The following LRP8 variants were observed in gnomAD, a reference collection of about 807,000 sequenced individuals.
LRP8 encodes LDL receptor related protein 8, also known as low-density lipoprotein receptor-related protein 8.
Under a neutral mutation model 111.6 loss-of-function variants are expected in LRP8, and 46 were observed. The ratio of observed to expected loss-of-function variants is 0.41; its 90% confidence interval spans 0.33 to 0.53. The LOEUF is 0.53. Ranked by LOEUF, LRP8 falls within the 20% of genes least tolerant of loss-of-function variation. The pLI is 0.20. For missense variants in LRP8, 959 were observed against 1,297.4 expected (o/e 0.74, Z 4.01); for synonymous variants, 464 against 511.2 (o/e 0.91, Z 1.24).
chr1:53,263,843 A>G (rs1427121358), intron 10 of LRP8, among the ~76,000 whole-genome samples: 3 of 152,170 alleles, frequency 2.0e-5, no homozygotes, highest in Non-Finnish European at 4.4e-5. Context: ...CTTTGGAAGT[A>G]TGTGAGCAGC....
intron 2 of LRP8, among the ~76,000 whole-genome samples, chr1:53,322,015 T>C (rs925834560): frequency 6.6e-6 from 1 of 151,578 alleles, no homozygotes; most frequent in African/African-American, 2.4e-5. Flanking sequence ...AACCTCGACA[T>C]CTGGCTAAGC....
At chr1:53,319,240 A>G (rs1654183365) in intron 2 of LRP8, among the ~76,000 whole-genome samples, 1 of 152,180 alleles carries the variant, frequency 6.6e-6, no homozygotes, top group Non-Finnish European at 1.5e-5. Flanking sequence ...GGAAACTAAG[A>G]TGCCCTCCAG....
rs201463045 is a variant in LRP8, at chr1:53,327,000, G to A, written c.125-8C>T. 1.3e-4 allele frequency: 210 copies of A among 1,611,994 alleles called. No homozygotes were observed. In the East Asian group the frequency reaches 4.3e-3, roughly 33 times the overall value. On this transcript the variant is annotated splice_polypyrimidine_tract_variant and splice_region_variant and intron_variant, in intron 1 of 18. Transcript: ENST00000306052. Reference sequence around the variant, plus strand: ...CGCAATCCTTGGCCGGCCCTGCGAGGGGGAGGGAGCGTGAGCTGGATCAGC... The same window carrying A: ...CGCAATCCTTGGCCGGCCCTGCGAGAGGGAGGGAGCGTGAGCTGGATCAGC...
At chr1:53,315,453 C>T (rs1187261111) in intron 2 of LRP8, among the ~76,000 whole-genome samples, 1 of 152,228 alleles carries the variant, frequency 6.6e-6, no homozygotes, top group African/African-American at 2.4e-5. Context: ...CCTGTCAATC[C>T]CACAACCACC....
chr1:53,268,399 T>A (rs1646652643), intron 8 of LRP8: 1 of 152,240 alleles, frequency 6.6e-6, no homozygotes, highest in Non-Finnish European at 1.5e-5. Flanking sequence ...TTGTCTCCAG[T>A]GCATGTACAT....
At chr1:53,255,531 G>A (rs1646053447) in intron 15 of LRP8, among the ~76,000 whole-genome samples, 1 of 152,196 alleles carries the variant, frequency 6.6e-6, no homozygotes, top group Admixed American at 6.5e-5. Context: ...GGCAAAGTGA[G>A]CACTTAGGTC....
Position 53,258,488 on chromosome 1 carries a change from A to G in LRP8, c.2057-17T>C. On this transcript the variant is annotated splice_polypyrimidine_tract_variant and intron_variant, in intron 13 of 18. Transcript: ENST00000306052. ...CATCTGGAGCTAATGGCAGAGAGGG[A>G]GACAGCTGGGGCACAGACAGGACAT... The G allele has an allele frequency of 6.2e-7, 1 of 1,612,816 alleles. No individual in the cohort carries two copies. The highest frequency in any genetic ancestry group is 8.5e-7 in the Non-Finnish European group (1 of 1,179,388).
rs61201514 is a variant in LRP8 at position 53,311,702 on chromosome 1, A to G, written c.244+15171T>C. ...TCCATCTCTCCCTACTGATGAAGAC[A>G]TCGACAGAGTGGGCATAGGGAGGGG... is the stretch of plus-strand genomic sequence containing the variant. On this transcript the variant is annotated intron_variant, in intron 2 of 18. Transcript: ENST00000306052. 4.1e-3 allele frequency among the ~76,000 whole-genome samples: 627 copies of G among 151,916 alleles called. 1 individual carries two copies. The highest frequency in any genetic ancestry group is 0.014 in the African/African-American group (594 of 41,292).
At position 53,250,964 on chromosome 1, in the gene LRP8, T is replaced by C; in HGVS notation, c.2504-102A>G. The C allele has an allele frequency of 1.1e-6, 1 of 928,392 alleles. No homozygotes were observed. Among genetic ancestry groups the C allele is most frequent in the Admixed American group, 2.0e-5 (1 of 50,500 alleles). 57.5% of individuals were successfully genotyped at this position (928,392 alleles called of 1,614,324 possible). On this transcript the variant is annotated intron_variant, in intron 16 of 18. Transcript: ENST00000306052. The surrounding 1 kb of genome is among the most constrained non-coding windows in gnomAD (Gnocchi z 4.6). Reference sequence around the variant, plus strand: ...CCACTCCACTTTTACTACCCTTTGCTCCTCAGGCTCTGTTTCTGCATGTTC... The same window carrying C: ...CCACTCCACTTTTACTACCCTTTGCCCCTCAGGCTCTGTTTCTGCATGTTC...
At chr1:53,260,417 A>G (rs1572454599) in intron 13 of LRP8, 47 bp downstream of exon 13, 1 of 1,598,672 alleles carries the variant, frequency 6.3e-7, no homozygotes. Context: ...GAGAGGACAC[A>G]GTGACACAGT....
chr1:53,289,659 G>A lies in LRP8; in HGVS notation c.275C>T (p.Thr92Ile). 2 of 1,613,928 alleles carry A rather than the reference G, an allele frequency of 1.2e-6. No homozygotes were observed. Among genetic ancestry groups the A allele is most frequent in the Non-Finnish European group, 8.5e-7 (1 of 1,179,932 alleles). The change falls in exon 3 of 19, where the codon ACC becomes ATC. Residue 92 changes from threonine (T) to isoleucine (I), a missense_variant. Transcript: ENST00000306052. ...GTGGATGCAGTGGCCGTTGTCACAG[G>A]TGAAGTCACTGTCTGCACAGGTCTT... ...PKKTCADSDF[T>I]CDNGHCIHER... is the part of the protein sequence containing the mutation.
chr1:53,310,293 C>T (rs1431524786), intron 2 of LRP8, among the ~76,000 whole-genome samples: 2 of 152,062 alleles, frequency 1.3e-5, no homozygotes, highest in African/African-American at 4.8e-5. Context: ...CCCCAGTATC[C>T]CCAAGCCCTG....
At chr1:53,258,581 A>T in intron 13 of LRP8, 110 bp from the exon 14 acceptor site, 2 of 988,100 alleles carry the variant, frequency 2.0e-6, no homozygotes, top group Non-Finnish European at 1.5e-6. Context: ...CTTGCCCTAT[A>T]CTTTTTTTTT....
At chr1:53,301,212 G>A (rs184653371) in intron 2 of LRP8, among the ~76,000 whole-genome samples, 14 of 152,304 alleles carry the variant, frequency 9.2e-5, no homozygotes, top group African/African-American at 3.4e-4. Context: ...GGATCATGGG[G>A]GCATTGGGGA....
chr1:53,295,381 G>C (rs1160929957), intron 2 of LRP8, among the ~76,000 whole-genome samples: 1 of 152,164 alleles, frequency 6.6e-6, no homozygotes, highest in African/African-American at 2.4e-5. Context: ...GGGAACAATT[G>C]ACCCTGGTGG....
chr1:53,251,903 A>T lies in LRP8; in HGVS notation c.2504-1041T>A. The stretch of plus-strand genomic sequence containing the variant: ...TACAAAAAATACAAAGTAGTTGGGC[A>T]TGGTGGCGGGCACCTGTAGTCCCAG... On this transcript the variant is annotated intron_variant, in intron 16 of 18. Coordinates refer to ENST00000306052, the MANE Select transcript of LRP8 (RefSeq NM_004631.5). 2.6e-5 allele frequency among the ~76,000 whole-genome samples: 4 copies of T among 152,024 alleles called. No individual in the cohort carries two copies. In the South Asian group the frequency reaches 8.3e-4, roughly 32 times the overall value.
chr1:53,327,064 C>T (rs1366186007), intron 1 of LRP8, 72 bp from the exon 2 acceptor site: 15 of 1,569,778 alleles, frequency 9.6e-6, no homozygotes, highest in Non-Finnish European at 1.2e-5. Flanking sequence ...TCCGGGCCAC[C>T]CGGAAGGACC....
intron 6 of LRP8, chr1:53,274,823 G>C (rs772737990): frequency 8.8e-6 from 4 of 456,330 alleles, no homozygotes; most frequent in South Asian, 6.2e-5. Context: ...GGGTGACTCT[G>C]TTGGGCCGGA....
rs369383461 is a variant in LRP8 at position 53,324,742 on chromosome 1, G to A, written c.244+2131C>T. 2.7e-4 allele frequency among the ~76,000 whole-genome samples: 41 copies of A among 152,192 alleles called. 1 individual carries two copies. The Middle Eastern group carries it at 0.01, about 38-fold the overall frequency. On this transcript the variant is annotated intron_variant, in intron 2 of 18. Transcript: ENST00000306052. ...CCCAGCTACTTTACTCCTCCATCTC[G>A]TCCAAAGCCTCACATGGAGCTGAAA... is the stretch of plus-strand genomic sequence containing the variant.
Sources: allele counts gnomAD v4.1 joint callset (sites outside exome capture counted in the v4.1 genomes callset), GRCh38; gene constraint gnomAD v4.1.1; non-coding constraint Gnocchi (gnomAD v3.1); transcripts MANE v1.5; gene names NCBI Gene and HGNC (gene_info 2026-07-23, HGNC 2026-07-21).